TSPEAR: variants seen among roughly 807,000 people sequenced by gnomAD.
TSPEAR encodes thrombospondin type laminin G domain and EAR repeats.
In TSPEAR, 69 loss-of-function variants were observed where a neutral mutation model predicts 71.6. The ratio of observed to expected loss-of-function variants is 0.96; its 90% CI spans 0.79 to 1.18. The LOEUF is 1.18. TSPEAR is among the 50% of genes most tolerant of loss of function. The pLI is 0.00. For synonymous variants in TSPEAR, 402 were observed against 387.2 expected, an observed-to-expected ratio of 1.04 and a Z score of -0.45; for missense variants, 971 against 894.9, an observed-to-expected ratio of 1.09 and a Z score of -1.09.
At chr21:44,638,178 C>T (rs782267731) in intron 1 of TSPEAR, 72 of 1,601,624 alleles carry the variant, frequency 4.5e-5, no homozygotes, top group Non-Finnish European at 5.8e-5. Flanking sequence ...TGCTGACAGC[C>T]CTGGATGTGA....
rs782062312 is a variant in TSPEAR at position 44,574,642 on chromosome 21, C to G, written c.83-6637G>C. 9.3e-6 allele frequency: 12 copies of G among 1,293,812 alleles called. No individual in the cohort carries two copies. The East Asian group carries it at 3.1e-4, about 34-fold the overall frequency. 80.1% of individuals were successfully genotyped at this position (1,293,812 alleles called of 1,614,324 possible). A position where few individuals can be genotyped will look rare whatever the true frequency, so the allele number is the denominator to read the frequency against. Reference sequence around the variant, plus strand: ...GTGCCCATCTGCTCTGGGGCTTCCTCTCTGTGCTGCCAGCAGTCTAGCTGC... The same window carrying G: ...GTGCCCATCTGCTCTGGGGCTTCCTGTCTGTGCTGCCAGCAGTCTAGCTGC... On this transcript the variant is annotated intron_variant, in intron 1 of 11. Coordinates refer to ENST00000323084, the MANE Select transcript of TSPEAR (RefSeq NM_144991.3).
intron 1 of TSPEAR, among the ~76,000 whole-genome samples, chr21:44,598,676 C>T (rs1980533986): frequency 2.6e-5 from 4 of 152,206 alleles, no homozygotes; most frequent in Admixed American, 1.3e-4. Flanking sequence ...TTATCCTTCT[C>T]ACCTTTTATT....
At chr21:44,521,378 CGTG>C (rs1555914235) in intron 9 of TSPEAR, among the ~76,000 whole-genome samples, 2 of 152,212 alleles carry the variant, frequency 1.3e-5, no homozygotes, top group Non-Finnish European at 2.9e-5. Context: ...TCAAAGGTCT[CGTG>C]GTGGCTGGAA....
chr21:44,565,082 T>C (rs587600320), intron 2 of TSPEAR, among the ~76,000 whole-genome samples: 1 of 152,110 alleles, frequency 6.6e-6, no homozygotes, highest in African/African-American at 2.4e-5. Context: ...CATAAAATCA[T>C]CAAGATGAAT....
At chr21:44,532,525 G>A (rs1555915874) in intron 3 of TSPEAR, among the ~76,000 whole-genome samples, 1 of 152,176 alleles carries the variant, frequency 6.6e-6, no homozygotes, top group African/African-American at 2.4e-5. Context: ...GTGGGAGAGA[G>A]GCTCTGATAA....
intron 11 of TSPEAR, among the ~76,000 whole-genome samples, chr21:44,501,886 C>T (rs1341897133): frequency 1.3e-5 from 2 of 152,176 alleles, no homozygotes; most frequent in Non-Finnish European, 2.9e-5. Flanking sequence ...CAGACTATCC[C>T]AGTCCACAGG....
chr21:44,530,972 G>T, intron 4 of TSPEAR, 71 bp downstream of exon 4: 2 of 1,220,312 alleles, frequency 1.6e-6, no homozygotes, highest in South Asian at 1.2e-5. Context: ...AACTAGAGCA[G>T]TAGGACAACT....
chr21:44,670,231 A>G (rs1569250221), intron 1 of TSPEAR, among the ~76,000 whole-genome samples: 1 of 152,200 alleles, frequency 6.6e-6, no homozygotes, highest in Admixed American at 6.5e-5. Context: ...TTTCTGTGTC[A>G]GGTAGTGGGT....
At chr21:44,691,054 C>G (rs1278141418) in intron 1 of TSPEAR, among the ~76,000 whole-genome samples, 1 of 151,988 alleles carries the variant, frequency 6.6e-6, no homozygotes, top group Non-Finnish European at 1.5e-5. Flanking sequence ...GTTTGTCCTC[C>G]TCCCCTCCCT....
At position 44,546,867 on chromosome 21, in the gene TSPEAR, T is replaced by C. The variant is rs1378571659; in HGVS notation, c.304-12944A>G. ...TGTGTGATTCTCTTTGAGTTTATTC[T>C]ACTTGGGGTTCACTGAGTGGCTTGA... On this transcript the variant is annotated intron_variant, in intron 2 of 11. Coordinates refer to ENST00000323084, the MANE Select transcript of TSPEAR (RefSeq NM_144991.3). The surrounding 1 kb of genome is among the most constrained non-coding windows in gnomAD (Gnocchi z 4.4). Among the ~76,000 whole-genome samples, 1 of 152,244 alleles carries C rather than the reference T, an allele frequency of 6.6e-6. No individual in the cohort carries two copies. Among genetic ancestry groups the C allele is most frequent in the Admixed American group, 6.5e-5 (1 of 15,290 alleles).
At chr21:44,679,689 C>A (rs1484566721) in intron 1 of TSPEAR, among the ~76,000 whole-genome samples, 1 of 152,146 alleles carries the variant, frequency 6.6e-6, no homozygotes, top group Non-Finnish European at 1.5e-5. Flanking sequence ...TAAAACCAGA[C>A]ACATAGATCA....
chr21:44,677,110 T>A, intron 1 of TSPEAR: 1 of 715,334 alleles, frequency 1.4e-6, no homozygotes, highest in Non-Finnish European at 2.6e-6. Flanking sequence ...TGCTTGGACC[T>A]TTTTGACCAC....
At chr21:44,628,906 G>A (rs1295062527) in intron 1 of TSPEAR, among the ~76,000 whole-genome samples, 8 of 151,838 alleles carry the variant, frequency 5.3e-5, no homozygotes, top group African/African-American at 1.2e-4. Flanking sequence ...GAACAGACAC[G>A]TGGTCTCCAG....
At chr21:44,572,088 G>A (rs187253824) in intron 1 of TSPEAR, among the ~76,000 whole-genome samples, 79 of 152,328 alleles carry the variant, frequency 5.2e-4, no homozygotes, top group African/African-American at 1.8e-3. Context: ...CATGCCCCAC[G>A]CACACTGCTC....
chr21:44,678,090 T>C, intron 1 of TSPEAR: 1 of 656,124 alleles, frequency 1.5e-6, no homozygotes, highest in East Asian at 2.8e-5. Context: ...GCAGTATCTG[T>C]CGAGCGGACG....
chr21:44,629,205 G>A (rs1401481658), intron 1 of TSPEAR, among the ~76,000 whole-genome samples: 2 of 152,134 alleles, frequency 1.3e-5, no homozygotes, highest in Non-Finnish European at 1.5e-5. Flanking sequence ...TGGGGGCCTC[G>A]GCCATACCCT....
chr21:44,550,523 C>T (rs112247714), intron 2 of TSPEAR: 34 of 992,312 alleles, frequency 3.4e-5, no homozygotes, highest in Non-Finnish European at 4.5e-5. Flanking sequence ...GCCCGCCCGG[C>T]GGGAGGTCAG....
At chr21:44,637,694 G>T in intron 1 of TSPEAR, 2 of 1,340,926 alleles carry the variant, frequency 1.5e-6, no homozygotes, top group Non-Finnish European at 1.0e-6. Flanking sequence ...CTGCCAGCAG[G>T]CCTGCTGTGT....
Position 44,612,129 on chromosome 21 carries a change from A to T in TSPEAR, c.83-44124T>A, listed in dbSNP as rs781902559. The T allele has an allele frequency of 6.2e-7, 1 of 1,614,048 alleles. No individual in the cohort carries two copies. ...GCTGACGCCTGCTGCACCAGGACGT[A>T]TGTGATTGCTGCATCCACCATGTCT... On this transcript the variant is annotated intron_variant, in intron 1 of 11. Transcript: ENST00000323084. The surrounding 1 kb of genome is among the most constrained non-coding windows in gnomAD (Gnocchi z 4.1).
Sources: gnomAD v4.1 joint callset for allele counts (sites outside exome capture counted in the v4.1 genomes callset) on GRCh38, gnomAD v4.1.1 for gene constraint, Gnocchi (gnomAD v3.1) non-coding constraint, MANE v1.5 for transcripts, NCBI Gene and HGNC (gene_info 2026-07-23, HGNC 2026-07-21) for gene names.